Variants in SMTN observed in about 807,000 individuals in gnomAD.
SMTN encodes the protein smoothelin.
SMTN carries 58 observed loss-of-function variants against 102.0 expected under a neutral mutation model. The observed-to-expected ratio is 0.57, with a 90% CI of 0.46 to 0.71. The LOEUF is 0.71. Ranked by LOEUF, SMTN falls within the 30% of genes least tolerant of loss-of-function variation. The probability of loss-of-function intolerance (pLI) is 0.00; values close to 1 mark genes in which losing one functional copy is unlikely to be tolerated. For synonymous variants in SMTN, 478 were observed against 497.9 expected, an observed-to-expected ratio of 0.96 and a Z score of 0.53; for missense variants, 1,185 against 1,241.7, an observed-to-expected ratio of 0.95 and a Z score of 0.69.
chr22:31,066,434 A>G (rs1220342776), intron 1 of SMTN: 1 of 152,100 alleles, frequency 6.6e-6, no homozygotes, highest in East Asian at 1.9e-4. Flanking sequence ...CAGCCTCCCA[A>G]GTAGCTGGGA....
chr22:31,099,640 C>T lies in SMTN; in HGVS notation c.2452-105C>T, dbSNP rs139039687. The T allele has an allele frequency of 1.3e-3, 1,686 of 1,273,510 alleles. 28 individuals are homozygous for T. The South Asian group carries it at 0.02, about 15-fold the overall frequency. 78.9% of individuals were successfully genotyped at this position (1,273,510 alleles called of 1,614,324 possible). ...TCACTCATTGTGCAAGCTACGGGGC[C>T]TCTTTGTGCCCAGTGCCCTAGGTCT... On this transcript the variant is annotated intron_variant, in intron 18 of 20. Transcript: ENST00000333137.
At chr22:31,093,842 G>C in intron 11 of SMTN, 1 of 1,587,130 alleles carries the variant, frequency 6.3e-7, no homozygotes, top group South Asian at 1.1e-5. Context: ...ACCCGCCGCC[G>C]CTCCTCCACC....
At position 31,098,828 on chromosome 22, in the gene SMTN, A is replaced by C; in HGVS notation, c.2321A>C (p.Glu774Ala). The C allele has an allele frequency of 1.9e-6, 3 of 1,606,276 alleles. No homozygotes were observed. Among genetic ancestry groups the C allele is most frequent in the South Asian group, 2.2e-5 (2 of 90,612 alleles). ...GCCATGATTGAGAAGCTGGAGAAGG[A>C]GGGCGCGGCCGGGTGAGCTGCAGAA... The part of the protein sequence containing the change: ...RKAMIEKLEK[E>A]GAAGSPGGPR... The change falls in exon 17 of 21, where the codon GAG (glutamate) becomes GCG (alanine). Residue 774 changes from glutamate (E) to alanine (A), a missense_variant. Physicochemically the swap from Glu to Ala is moderately radical, Grantham distance 107. Coordinates refer to ENST00000333137, the MANE Select transcript of SMTN (RefSeq NM_134269.3).
chr22:31,100,808 T>C, intron 19 of SMTN, 77 bp from the exon 20 acceptor site: 1 of 716,970 alleles, frequency 1.4e-6, no homozygotes, highest in Admixed American at 2.2e-5. Context: ...TCTCTGCCTC[T>C]TCCCTCTCTT....
Position 31,095,446 on chromosome 22 carries a change from G to T in SMTN, c.1776G>T (p.Leu592Phe). 6.2e-7 allele frequency: 1 copy of T among 1,614,268 alleles called. No individual in the cohort carries two copies. The highest frequency in any genetic ancestry group is 8.5e-7 in the Non-Finnish European group (1 of 1,180,050). Residue 592 changes from leucine (L) to phenylalanine (F), a missense_variant, in exon 12 of 21, where the codon TTG (leucine) becomes TTT (phenylalanine). Transcript: ENST00000333137. This position sits in a 1 kb window ranked among gnomAD's most constrained non-coding sequence, Gnocchi z 4.1. The part of the protein sequence containing the change: ...ELMTIEDEGV[L>F]DKMLDQSTDF... Reference sequence around the variant, plus strand: ...TGACTATTGAGGATGAAGGAGTCTTGGACAAGATGGTATAGCCAGATCCGG... The same window carrying T: ...TGACTATTGAGGATGAAGGAGTCTTTGACAAGATGGTATAGCCAGATCCGG...
upstream of SMTN, among the ~76,000 whole-genome samples, chr22:31,080,915 C>T (rs1227511792): frequency 6.6e-6 from 1 of 152,130 alleles, no homozygotes; most frequent in Non-Finnish European, 1.5e-5. Flanking sequence ...GGCGGCCAAG[C>T]TTAAACACTG....
At chr22:31,081,051 G>A (rs933529596), upstream of SMTN, among the ~76,000 whole-genome samples, 1 of 151,318 alleles carries the variant, frequency 6.6e-6, no homozygotes, top group Non-Finnish European at 1.5e-5. Context: ...GGCTCGGGGC[G>A]CCCCCCCCGA....
chr22:31,104,465 A>T lies in SMTN; in HGVS notation c.*170A>T. 6.2e-7 allele frequency: 1 copy of T among 1,612,860 alleles called. No individual in the cohort carries two copies. The highest frequency in any genetic ancestry group is 1.7e-5 in the Admixed American group (1 of 60,034). Reference sequence around the variant, plus strand: ...CTGCGCCTGCGCGGCAAGAATGTCTAGCCTGCCCGCCCGCATGGCCAGCCA... The same window carrying T: ...CTGCGCCTGCGCGGCAAGAATGTCTTGCCTGCCCGCCCGCATGGCCAGCCA... On this transcript the variant is annotated 3_prime_UTR_variant, in exon 21 of 21. Coordinates refer to ENST00000333137, the MANE Select transcript of SMTN (RefSeq NM_134269.3).
Position 31,091,277 on chromosome 22 carries a change from G to A in SMTN, c.1254G>A (p.Gly418=), listed in dbSNP as rs370628451. The change falls in exon 10 of 21, where the codon GGG becomes GGA. Residue 418 remains glycine (G), a synonymous_variant. Coordinates refer to ENST00000333137, the MANE Select transcript of SMTN (RefSeq NM_134269.3). ...GCCCCCAGGAGGAGGGCCCCAGGGGGCGGGGCTTGGCTGCTAGGCCCCTTG... is the reference window on the plus strand; with the variant it reads ...GCCCCCAGGAGGAGGGCCCCAGGGGACGGGGCTTGGCTGCTAGGCCCCTTG... ...RSCPQEEGPR[G]RGLAARPLEN... The A allele has an allele frequency of 6.3e-7, 1 of 1,598,498 alleles. No homozygotes were observed. Among genetic ancestry groups the A allele is most frequent in the Middle Eastern group, 1.7e-4 (1 of 6,036 alleles).
At chr22:31,071,239 CAAA>C (rs60870558) in intron 1 of SMTN, among the ~76,000 whole-genome samples, 24,124 of 115,428 alleles carry the variant, frequency 0.21, 2,090 homozygotes, top group Middle Eastern at 0.24. Flanking sequence ...CACCCTGTCT[CAAA>C]AAAAAAAAAA....
At chr22:31,093,559 ACCCAGGCAG>A (rs757752241) in intron 11 of SMTN, 1 of 724,286 alleles carries the variant, frequency 1.4e-6, no homozygotes, top group Non-Finnish European at 2.5e-6. Flanking sequence ...GGTGGCAGTG[ACCCAGGCAG>A]CCGAGGTAGC....
intron 1 of SMTN, 194 bp from the exon 2 acceptor site, chr22:31,082,985 C>A: frequency 7.0e-7 from 1 of 1,434,152 alleles, no homozygotes; most frequent in Non-Finnish European, 9.6e-7. Context: ...GAACCAGAGA[C>A]CCCCTACCCT....
At chr22:31,085,024 A>G (rs1206864931) in intron 2 of SMTN, 1 of 1,503,232 alleles carries the variant, frequency 6.7e-7, no homozygotes, top group African/African-American at 1.4e-5. Flanking sequence ...GGACGCGGGC[A>G]GTCGCTTCCG....
At chr22:31,098,880 G>T (rs4281997) in intron 17 of SMTN, 40 bp downstream of exon 17, 604,185 of 1,524,198 alleles carry the variant, frequency 0.4, 129,575 homozygotes, top group Middle Eastern at 0.53. Context: ...GGGGCGGGGC[G>T]TGATAGGCAG....
At position 31,095,741 on chromosome 22, in the gene SMTN, G is replaced by T. The variant is rs1414672334; in HGVS notation, c.1861+132G>T. The T allele has an allele frequency of 4.0e-6, 3 of 743,914 alleles. No homozygotes were observed. Among genetic ancestry groups the T allele is most frequent in the South Asian group, 1.8e-5 (1 of 55,762 alleles). 46.1% of individuals were successfully genotyped at this position (743,914 alleles called of 1,614,324 possible). On this transcript the variant is annotated intron_variant, in intron 13 of 20. Coordinates refer to ENST00000333137, the MANE Select transcript of SMTN (RefSeq NM_134269.3). This position sits in a 1 kb window ranked among gnomAD's most constrained non-coding sequence, Gnocchi z 4.1. Reference sequence around the variant, plus strand: ...CCCAGCTTCTCCTTCTCTAGACCCAGCAGTTCCCTTGGCTATTCCCTGCTG... The same window carrying T: ...CCCAGCTTCTCCTTCTCTAGACCCATCAGTTCCCTTGGCTATTCCCTGCTG...
chr22:31,099,281 GTGT>G (rs1249645807), intron 18 of SMTN, 102 bp downstream of exon 18: 146 of 742,638 alleles, frequency 2.0e-4, no homozygotes, highest in Admixed American at 4.1e-4. Context: ...TCCTGCCACT[GTGT>G]GGCCTCACAG....
chr22:31,104,497 A>G lies in SMTN; in HGVS notation c.*202A>G. ...CCGCCCGCATGGCCAGCCAGTGGCA[A>G]GCTGCCGCCCCCACTCTCCGGGCAC... On this transcript the variant is annotated 3_prime_UTR_variant, in exon 21 of 21. Transcript: ENST00000333137. 1 of 1,605,398 alleles carries G rather than the reference A, an allele frequency of 6.2e-7. No individual in the cohort carries two copies. Among genetic ancestry groups the G allele is most frequent in the Non-Finnish European group, 8.5e-7 (1 of 1,178,138 alleles).
Position 31,088,621 on chromosome 22 carries a change from G to A in SMTN, c.294+15G>A. On this transcript the variant is annotated intron_variant, in intron 4 of 20. Transcript: ENST00000333137. ...TGACTGCACTGGTGAGGCCCAGGCT[G>A]GGGCAGGGGATGGGGGCAGGGCAGG... 6.2e-7 allele frequency: 1 copy of A among 1,612,968 alleles called. No individual in the cohort carries two copies. The highest frequency in any genetic ancestry group is 1.3e-5 in the African/African-American group (1 of 75,044).
upstream of SMTN, among the ~76,000 whole-genome samples, chr22:31,078,878 C>CA (rs35660737): frequency 2.0e-5 from 3 of 151,016 alleles, no homozygotes; most frequent in African/African-American, 7.3e-5. Flanking sequence ...ACCCTGTCTC[C>CA]AAAAAAAATA....
Sources: gnomAD v4.1 joint callset for allele counts (sites outside exome capture counted in the v4.1 genomes callset) on GRCh38, gnomAD v4.1.1 for gene constraint, Gnocchi (gnomAD v3.1) non-coding constraint, MANE v1.5 for transcripts, NCBI Gene and HGNC (gene_info 2026-07-23, HGNC 2026-07-21) for gene names.